The following ELAVL4 variants were observed in gnomAD, a reference collection of about 807,000 sequenced individuals.
ELAVL4 encodes ELAV-like protein 4.
A neutral mutation model predicts 35.6 loss-of-function variants in ELAVL4; 1 was observed. The ratio of observed to expected loss-of-function variants is 0.03; its 90% confidence interval spans 0.01 to 0.13. The LOEUF is 0.13. Among genes scored for constraint, ELAVL4 ranks in the 10% least tolerant of loss-of-function variants. The pLI is 1.00. For synonymous variants in ELAVL4, 156 were observed against 171.0 expected (o/e 0.91, Z 0.69); for missense variants, 267 against 464.9 (o/e 0.57, Z 3.91).
intron 3 of ELAVL4, among the ~76,000 whole-genome samples, chr1:50,188,691 C>G (rs1372640410): frequency 1.3e-5 from 2 of 152,178 alleles, no homozygotes; most frequent in South Asian, 4.1e-4. Context: ...GAGCCTGGAA[C>G]AGAATGTGTG....
At chr1:50,122,600 C>T (rs1040261114) in intron 1 of ELAVL4, among the ~76,000 whole-genome samples, 1 of 152,084 alleles carries the variant, frequency 6.6e-6, no homozygotes, top group Non-Finnish European at 1.5e-5. Flanking sequence ...CCTTTTGGAG[C>T]TCCTAAAACT....
intron 2 of ELAVL4, among the ~76,000 whole-genome samples, chr1:50,162,778 T>A (rs754370092): frequency 2.6e-5 from 4 of 152,152 alleles, no homozygotes; most frequent in Non-Finnish European, 5.9e-5. Context: ...GAGACAGGGT[T>A]TTGCTATGTT....
At chr1:50,132,929 A>G (rs115090612) in intron 1 of ELAVL4, among the ~76,000 whole-genome samples, 1,759 of 151,982 alleles carry the variant, frequency 0.012, 12 homozygotes, top group Non-Finnish European at 0.019. Flanking sequence ...TTTCCCTCCT[A>G]CTCTGTACTT....
intron 1 of ELAVL4, among the ~76,000 whole-genome samples, chr1:50,091,614 C>T (rs745960639): frequency 2.6e-5 from 4 of 152,076 alleles, no homozygotes; most frequent in Non-Finnish European, 5.9e-5. Flanking sequence ...CCTATTGTTC[C>T]GTAACAGACT....
chr1:50,075,062 A>G (rs1033974730), intron 1 of ELAVL4, among the ~76,000 whole-genome samples: 1 of 152,236 alleles, frequency 6.6e-6, no homozygotes, highest in Non-Finnish European at 1.5e-5. Flanking sequence ...TTTGTGAGAA[A>G]GGTACATTTA....
At chr1:50,085,012 T>C (rs990239688) in intron 1 of ELAVL4, among the ~76,000 whole-genome samples, 1 of 152,182 alleles carries the variant, frequency 6.6e-6, no homozygotes, top group Admixed American at 6.5e-5. Flanking sequence ...GATAGTTTCA[T>C]AGAAGTTCAA....
At chr1:50,074,376 A>G (rs578134118) in intron 1 of ELAVL4, among the ~76,000 whole-genome samples, 1 of 152,192 alleles carries the variant, frequency 6.6e-6, no homozygotes, top group South Asian at 2.1e-4. Context: ...ATCGGGTACA[A>G]AAATGGTACT....
intron 2 of ELAVL4, among the ~76,000 whole-genome samples, chr1:50,152,550 A>C (rs181814007): frequency 6.6e-6 from 1 of 152,298 alleles, no homozygotes; most frequent in Admixed American, 6.5e-5. Context: ...TAAAAATGTA[A>C]TTCATCAGCT....
intron 1 of ELAVL4, among the ~76,000 whole-genome samples, chr1:50,069,708 A>T (rs1410137685): frequency 1.3e-5 from 2 of 152,142 alleles, no homozygotes; most frequent in Non-Finnish European, 2.9e-5. Flanking sequence ...TTTTAGCATT[A>T]TTACTGCATA....
chr1:50,125,515 G>A (rs1669757201), intron 1 of ELAVL4, among the ~76,000 whole-genome samples: 1 of 152,006 alleles, frequency 6.6e-6, no homozygotes, highest in Non-Finnish European at 1.5e-5. Context: ...TGTGGTGTAA[G>A]GTGGTCATCT....
intron 5 of ELAVL4, among the ~76,000 whole-genome samples, chr1:50,196,533 G>A (rs1342865098): frequency 1.3e-5 from 2 of 152,196 alleles, no homozygotes; most frequent in Non-Finnish European, 2.9e-5. Flanking sequence ...CCACAGCCCA[G>A]CTTCCCTTTG....
chr1:50,120,313 T>A (rs1668815880), intron 1 of ELAVL4, among the ~76,000 whole-genome samples: 1 of 151,490 alleles, frequency 6.6e-6, no homozygotes. Context: ...GATGGAAAAA[T>A]TAGAAGAAAG....
At chr1:50,086,072 T>C (rs986608556) in intron 1 of ELAVL4, among the ~76,000 whole-genome samples, 2 of 151,502 alleles carry the variant, frequency 1.3e-5, no homozygotes, top group Non-Finnish European at 2.9e-5. Flanking sequence ...AGCAGTGATC[T>C]TTTTTTTTGT....
intron 1 of ELAVL4, among the ~76,000 whole-genome samples, chr1:50,058,277 A>G (rs1185037400): frequency 6.6e-6 from 1 of 152,228 alleles, no homozygotes; most frequent in Non-Finnish European, 1.5e-5. Flanking sequence ...CCAAATTGGG[A>G]TAACCAGTAC....
At chr1:50,057,666 C>T (rs1001130210) in intron 1 of ELAVL4, among the ~76,000 whole-genome samples, 1 of 152,172 alleles carries the variant, frequency 6.6e-6, no homozygotes, top group Non-Finnish European at 1.5e-5. Context: ...AAGTTTGTAG[C>T]GTGTGAACAG....
At chr1:50,112,528 T>C (rs1667244158) in intron 1 of ELAVL4, among the ~76,000 whole-genome samples, 1 of 152,146 alleles carries the variant, frequency 6.6e-6, no homozygotes, top group African/African-American at 2.4e-5. Flanking sequence ...GCAAAAAACA[T>C]CTGACTAAGT....
intron 2 of ELAVL4, among the ~76,000 whole-genome samples, chr1:50,146,931 T>C (rs1241563686): frequency 6.6e-6 from 1 of 152,100 alleles, no homozygotes; most frequent in Non-Finnish European, 1.5e-5. Flanking sequence ...TAAAGACACA[T>C]GTTTAAACAA....
At chr1:50,098,940 T>C (rs1445591545), upstream of ELAVL4, among the ~76,000 whole-genome samples, 1 of 152,210 alleles carries the variant, frequency 6.6e-6, no homozygotes, top group Non-Finnish European at 1.5e-5. Context: ...AGAAGGGAAG[T>C]GCCTGACCAC....
intron 2 of ELAVL4, among the ~76,000 whole-genome samples, chr1:50,169,269 TC>T (rs1335216016): frequency 6.6e-6 from 1 of 152,056 alleles, no homozygotes; most frequent in African/African-American, 2.4e-5. Flanking sequence ...GGATCTGCCT[TC>T]CCCAGCCCAC....
Sources: allele counts gnomAD v4.1 joint callset (sites outside exome capture counted in the v4.1 genomes callset), GRCh38; gene constraint gnomAD v4.1.1; transcripts MANE v1.5; gene names NCBI Gene and HGNC (gene_info 2026-07-23, HGNC 2026-07-21).